Variants in PCSK7 observed in about 807,000 individuals in gnomAD.
PCSK7 encodes the protein proprotein convertase subtilisin/kexin type 7.
Under a neutral mutation model 73.3 loss-of-function variants are expected in PCSK7, and 38 were observed. The ratio of observed to expected loss-of-function variants is 0.52; its 90% CI spans 0.40 to 0.68. The LOEUF is 0.68. Ranked by LOEUF, PCSK7 falls within the 30% of genes least tolerant of loss-of-function variation. The pLI, the probability that PCSK7 is intolerant of heterozygous loss-of-function variation, is 0.00. For missense variants in PCSK7, 692 were observed against 991.5 expected, an observed-to-expected ratio of 0.70 and a Z score of 4.06; for synonymous variants, 296 against 383.8, an observed-to-expected ratio of 0.77 and a Z score of 2.68.
intron 5 of PCSK7, 147 bp from the exon 6 acceptor site, chr11:117,226,168 T>C (rs2032419014): frequency 1.6e-6 from 1 of 618,894 alleles, no homozygotes; most frequent in Admixed American, 2.6e-5. Flanking sequence ...GATAAAGTCT[T>C]ACTTGTCACC....
In PCSK7 at chr11:117,218,507, G is replaced by A. The variant is rs553312119; in HGVS notation, c.1493C>T (p.Ala498Val). 1.2e-5 allele frequency: 19 copies of A among 1,609,646 alleles called. No individual in the cohort carries two copies. The highest frequency in any genetic ancestry group is 4.0e-5 in the African/African-American group (3 of 74,782). The stretch of plus-strand genomic sequence containing the variant: ...CAGGGAACGGGGGGACTGCGGAATC[G>A]CCTTGTTTTCTTTTAACACGGGACT... ...YVSPVLKENK[A>V]IPQSPRSLEV... The change falls in exon 12 of 17, where the codon GCG becomes GTG. Residue 498 changes from alanine to valine, a missense_variant. Around this residue, in one of 6 missense-constraint regions of PCSK7, gnomAD observed 574 missense variants for 689.8 expected, o/e 0.83. Transcript: ENST00000320934. This position sits in a 1 kb window ranked among gnomAD's most constrained non-coding sequence, Gnocchi z 4.0.
At chr11:117,226,197 C>T in intron 5 of PCSK7, 176 bp from the exon 6 acceptor site, 1 of 596,346 alleles carries the variant, frequency 1.7e-6, no homozygotes. Flanking sequence ...AGTGCAGTGG[C>T]ATGATCTCGG....
At chr11:117,227,645 C>G (rs1332388381) in intron 4 of PCSK7, among the ~76,000 whole-genome samples, 1 of 152,112 alleles carries the variant, frequency 6.6e-6, no homozygotes, top group Non-Finnish European at 1.5e-5. Context: ...GTTTCACCAT[C>G]TTGGCCAGGC....
intron 9 of PCSK7, chr11:117,220,586 T>C (rs2032152879): frequency 2.0e-5 from 3 of 152,282 alleles, no homozygotes; most frequent in African/African-American, 7.2e-5. Context: ...CATTCCTAAA[T>C]TCTCTATCCC....
chr11:117,220,006 T>C lies in PCSK7; in HGVS notation c.1156-248A>G, dbSNP rs549227264. 3.5e-5 allele frequency: 12 copies of C among 338,960 alleles called. No homozygotes were observed. The South Asian group carries it at 7.4e-4, about 21-fold the overall frequency. The allele number at this position is 338,960 out of a possible 1,614,324, so 21.0% of individuals were successfully genotyped here. On this transcript the variant is annotated intron_variant, in intron 9 of 16. Coordinates refer to ENST00000320934, the MANE Select transcript of PCSK7 (RefSeq NM_004716.4). The stretch of plus-strand genomic sequence containing the variant: ...GTTCAAAGTTGTTATGGGGGAAAGG[T>C]ACAGGGCTGGTCCTCAGAACAGGTC...
chr11:117,204,355 G>A lies in PCSK7; in HGVS notation c.*1642C>T, dbSNP rs1434708789. ...TACGGACGACCTCGGCAGATCATCA[G>A]TTAGAGCGGAGAGGGCTAGCCCTGA... On this transcript the variant is annotated 3_prime_UTR_variant, in exon 17 of 17. Transcript: ENST00000320934. 6.2e-7 allele frequency: 1 copy of A among 1,614,100 alleles called. No individual in the cohort carries two copies. Among genetic ancestry groups the A allele is most frequent in the African/African-American group, 1.3e-5 (1 of 74,954 alleles).
intron 2 of PCSK7, chr11:117,230,099 A>C: frequency 2.2e-6 from 1 of 456,780 alleles, no homozygotes; most frequent in Non-Finnish European, 3.9e-6. Flanking sequence ...CAAGACAGCC[A>C]ATCCTCACGA....
At chr11:117,231,598 A>C (rs1026092919) in intron 1 of PCSK7, among the ~76,000 whole-genome samples, 19 of 152,296 alleles carry the variant, frequency 1.2e-4, no homozygotes, top group African/African-American at 4.6e-4. Flanking sequence ...TTTATCCCCC[A>C]GGCTTCTGGG....
chr11:117,223,347 G>A, intron 8 of PCSK7, 39 bp from the exon 9 acceptor site: 2 of 1,263,134 alleles, frequency 1.6e-6, no homozygotes. Context: ...GAGATGCAGA[G>A]GGGGTCCTGT....
chr11:117,225,977 C>T lies in PCSK7; in HGVS notation c.814G>A (p.Val272Met). The change falls in exon 6 of 17, where the codon GTG (valine) becomes ATG (methionine). Residue 272 changes from valine to methionine, a missense_variant. Transcript: ENST00000320934. Reference sequence around the variant, plus strand: ...ATCTGATAGTGCTTGTTGAACGCCACTGCCTCCATGCTGTCTGTGAGAGGT... The same window carrying T: ...ATCTGATAGTGCTTGTTGAACGCCATTGCCTCCATGCTGTCTGTGAGAGGT... Reference protein sequence around the residue: ...DGPLTDSMEAVAFNKHYQIND... With the variant: ...DGPLTDSMEAMAFNKHYQIND... The T allele has an allele frequency of 1.2e-6, 2 of 1,612,524 alleles. No homozygotes were observed. Among genetic ancestry groups the T allele is most frequent in the Non-Finnish European group, 1.7e-6 (2 of 1,178,530 alleles).
Position 117,206,221 on chromosome 11 carries a change from T to G in PCSK7, c.2134A>C (p.Lys712Gln), listed in dbSNP as rs764472013. 109 of 1,614,056 alleles carry G rather than the reference T, an allele frequency of 6.8e-5. No individual in the cohort carries two copies. The highest frequency in any genetic ancestry group is 8.7e-5 in the Non-Finnish European group (103 of 1,180,030). Residue 712 changes from lysine to glutamine, a missense_variant, in exon 17 of 17, where the codon AAA (lysine) becomes CAA (glutamine). Transcript: ENST00000320934. ...AGCTCTGTCCCTTCCTCCTTGGCTT[T>G]CCGGCTCCGATGGGGCCAGTGGCAG... ...GPCHWPHRSR[K>Q]AKEEGTELES...
In PCSK7 at chr11:117,218,042, A is replaced by T. The variant is rs2032053962; in HGVS notation, c.1534+424T>A. The T allele has an allele frequency of 6.5e-6, 1 of 153,046 alleles. No homozygotes were observed. The highest frequency in any genetic ancestry group is 2.4e-5 in the African/African-American group (1 of 41,488). 9.5% of individuals were successfully genotyped at this position (153,046 alleles called of 1,614,324 possible). On this transcript the variant is annotated intron_variant, in intron 12 of 16. Transcript: ENST00000320934. The surrounding 1 kb of genome is among the most constrained non-coding windows in gnomAD (Gnocchi z 4.0). ...CACATCTGACTCTCTCTATTAGGTA[A>T]GCCAGAGAATCAAAGGAAGAAATGC...
intron 6 of PCSK7, 60 bp downstream of exon 6, chr11:117,225,871 T>C (rs757129381): frequency 9.1e-7 from 1 of 1,098,682 alleles, no homozygotes; most frequent in African/African-American, 1.5e-5. Context: ...TGGGATTTTG[T>C]TGGCGGATTT....
chr11:117,212,334 C>T (rs1475845621), intron 12 of PCSK7: 1 of 152,030 alleles, frequency 6.6e-6, no homozygotes, highest in Non-Finnish European at 1.5e-5. Flanking sequence ...CAAATCATGC[C>T]CACACCTTTT....
chr11:117,221,342 A>T (rs912772774), intron 9 of PCSK7: 20 of 152,090 alleles, frequency 1.3e-4, no homozygotes, highest in African/African-American at 4.6e-4. Context: ...GAGCGGGTTG[A>T]TTTTTTTTCC....
chr11:117,230,652 A>T (rs1442368240), intron 1 of PCSK7, among the ~76,000 whole-genome samples, 184 bp from the exon 2 acceptor site: 1 of 152,082 alleles, frequency 6.6e-6, no homozygotes, highest in African/African-American at 2.4e-5. Flanking sequence ...AACACCCAAA[A>T]AACCCACTTC....
chr11:117,206,258 A>G lies in PCSK7; in HGVS notation c.2097T>C (p.Cys699=). 1 of 1,614,144 alleles carries G rather than the reference A, an allele frequency of 6.2e-7. No individual in the cohort carries two copies. Among genetic ancestry groups the G allele is most frequent in the Non-Finnish European group, 8.5e-7 (1 of 1,180,028 alleles). Residue 699 remains cysteine, a synonymous_variant, in exon 17 of 17, where the codon TGT becomes TGC. Coordinates refer to ENST00000320934, the MANE Select transcript of PCSK7 (RefSeq NM_004716.4). Reference sequence around the variant, plus strand: ...GGGGCCAGTGGCAGGGTCCACTCCTACAAACTTGATTGGAAGCCACATTCC... The same window carrying G: ...GGGGCCAGTGGCAGGGTCCACTCCTGCAAACTTGATTGGAAGCCACATTCC... The part of the protein sequence containing the change: ...SQRNVASNQV[C]RSGPCHWPHR...
rs534709131 is a variant in PCSK7 at position 117,218,306 on chromosome 11, A to C, written c.1534+160T>G. 39 of 412,080 alleles carry C rather than the reference A, an allele frequency of 9.5e-5. 1 individual carries two copies. The East Asian group carries it at 1.5e-3, about 16-fold the overall frequency. The allele number at this position is 412,080 out of a possible 1,614,324, so 25.5% of individuals were successfully genotyped here. On this transcript the variant is annotated intron_variant, in intron 12 of 16. Transcript: ENST00000320934. This position sits in a 1 kb window ranked among gnomAD's most constrained non-coding sequence, Gnocchi z 4.0. Reference sequence around the variant, plus strand: ...CAGCTGGGGGAGCCAACTCAGAAGCAGTAACATGTCCTAAAATGGTCAAAG... The same window carrying C: ...CAGCTGGGGGAGCCAACTCAGAAGCCGTAACATGTCCTAAAATGGTCAAAG...
In PCSK7 at chr11:117,224,058, C is replaced by T. The variant is rs774336211; in HGVS notation, c.1054+20G>A. On this transcript the variant is annotated intron_variant, in intron 8 of 16. Coordinates refer to ENST00000320934, the MANE Select transcript of PCSK7 (RefSeq NM_004716.4). Reference sequence around the variant, plus strand: ...CTTCGGTGACACACACACAGGAGCACAGAAACATTGGGTGACTACCTATGG... The same window carrying T: ...CTTCGGTGACACACACACAGGAGCATAGAAACATTGGGTGACTACCTATGG... 2.0e-5 allele frequency: 32 copies of T among 1,613,456 alleles called. 1 individual carries two copies. The South Asian group carries it at 3.3e-4, about 17-fold the overall frequency.
Sources: allele counts gnomAD v4.1 joint callset (sites outside exome capture counted in the v4.1 genomes callset), GRCh38; gene constraint gnomAD v4.1.1; regional missense constraint gnomAD v4.1.1; non-coding constraint Gnocchi (gnomAD v3.1); transcripts MANE v1.5; gene names NCBI Gene and HGNC (gene_info 2026-07-23, HGNC 2026-07-21).